PLAAT3: variants seen among roughly 807,000 people sequenced by gnomAD.
The protein encoded by PLAAT3 is phospholipase A and acyltransferase 3.
A neutral mutation model predicts 16.7 loss-of-function variants in PLAAT3; 21 were observed. That is an observed-to-expected ratio of 1.26 (90% confidence interval 0.89 to 1.81). The LOEUF (loss-of-function observed/expected upper bound fraction) is 1.81, where lower values mean the gene tolerates loss of function less well. Ranked by LOEUF, PLAAT3 falls within the 40% of genes most tolerant of loss-of-function variation. The pLI is 0.00. For synonymous variants in PLAAT3, 76 were observed against 81.7 expected (o/e 0.93, Z 0.38); for missense variants, 219 against 213.7 (o/e 1.02, Z -0.16).
Position 63,594,899 on chromosome 11 carries a change from G to A in PLAAT3, c.118+3162C>T, listed in dbSNP as rs146653587. Among the ~76,000 whole-genome samples, 993 of 149,476 alleles carry A rather than the reference G, an allele frequency of 6.6e-3. 8 individuals are homozygous for A. Among genetic ancestry groups the A allele is most frequent in the Non-Finnish European group, 0.011 (758 of 67,462 alleles). On this transcript the variant is annotated intron_variant, in intron 3 of 4. Coordinates refer to ENST00000415826, the MANE Select transcript of PLAAT3 (RefSeq NM_001128203.2). ...ATGAAAGGAAGAGGAGGGGGTGGGG[G>A]TACATGGGTAAGGGGCTCAGGGTGG... is the stretch of plus-strand genomic sequence containing the variant.
chr11:63,615,046 ATATATGTG>A (rs1938802840), upstream of PLAAT3, among the ~76,000 whole-genome samples: 1 of 13,302 alleles, frequency 7.5e-5, no homozygotes, highest in African/African-American at 8.4e-5. Flanking sequence ...ATATATGTAT[ATATATGTG>A]TATATATATG....
At chr11:63,609,640 C>T (rs1448179406) in intron 2 of PLAAT3, among the ~76,000 whole-genome samples, 2 of 152,180 alleles carry the variant, frequency 1.3e-5, no homozygotes, top group South Asian at 2.1e-4. Context: ...TTCCCAGCCT[C>T]GGGCAGAGAG....
intron 1 of PLAAT3, 90 bp from the exon 2 acceptor site, chr11:63,614,158 T>A: frequency 8.9e-7 from 1 of 1,124,714 alleles, no homozygotes; most frequent in Non-Finnish European, 1.3e-6. Flanking sequence ...GGGCAGGGCG[T>A]GAGAGGCGCG....
At chr11:63,598,733 T>C (rs901466329) in intron 2 of PLAAT3, 24 of 517,644 alleles carry the variant, frequency 4.6e-5, no homozygotes, top group African/African-American at 4.4e-4. Context: ...CTGCCAGATC[T>C]GGAGGGCATT....
At chr11:63,605,716 C>T (rs1938538886) in intron 2 of PLAAT3, among the ~76,000 whole-genome samples, 1 of 151,862 alleles carries the variant, frequency 6.6e-6, no homozygotes, top group South Asian at 2.1e-4. Context: ...CCATGCCGGG[C>T]TAATTTTTTG....
intron 4 of PLAAT3, among the ~76,000 whole-genome samples, chr11:63,586,790 G>C (rs1011875087): frequency 6.6e-6 from 1 of 151,724 alleles, no homozygotes; most frequent in African/African-American, 2.4e-5. Context: ...AATTTAAAAA[G>C]ATACATAAAT....
chr11:63,606,425 A>AACACAAAC (rs1555046384), intron 2 of PLAAT3, among the ~76,000 whole-genome samples: 3 of 140,128 alleles, frequency 2.1e-5, no homozygotes, highest in Non-Finnish European at 4.6e-5. Context: ...TCTACTATAA[A>AACACAAAC]ACACACACAC....
chr11:63,597,109 G>C (rs7123606), intron 3 of PLAAT3, among the ~76,000 whole-genome samples: 84 of 151,036 alleles, frequency 5.6e-4, no homozygotes, highest in Non-Finnish European at 1.1e-3. Context: ...AAAAAAAAAA[G>C]TGTGGCACTC....
At chr11:63,583,896 T>C (rs1937890677) in intron 4 of PLAAT3, among the ~76,000 whole-genome samples, 1 of 152,176 alleles carries the variant, frequency 6.6e-6, no homozygotes, top group African/African-American at 2.4e-5. Context: ...TTTAGGGAAA[T>C]CTAAATCATT....
At chr11:63,603,303 C>T (rs1938474870) in intron 2 of PLAAT3, among the ~76,000 whole-genome samples, 1 of 152,078 alleles carries the variant, frequency 6.6e-6, no homozygotes, top group African/African-American at 2.4e-5. Context: ...AGAACCCCAG[C>T]CCACACAGTG....
intron 3 of PLAAT3, among the ~76,000 whole-genome samples, chr11:63,594,305 A>G (rs1288035675): frequency 6.6e-6 from 1 of 152,168 alleles, no homozygotes; most frequent in Non-Finnish European, 1.5e-5. Flanking sequence ...GATATTGACA[A>G]ATAGAAGGTA....
At position 63,600,305 on chromosome 11, in the gene PLAAT3, G is replaced by T. The variant is rs571110873; in HGVS notation, c.16-2142C>A. On this transcript the variant is annotated intron_variant, in intron 2 of 4. Transcript: ENST00000415826. ...GCCCCATGCTGCATTTTTTAAAACA[G>T]AAGTTATTACGATGACAAAAAATAA... Among the ~76,000 whole-genome samples the T allele has an allele frequency of 3.3e-5, 5 of 152,268 alleles. No homozygotes were observed. In the East Asian group the frequency reaches 7.7e-4, roughly 24 times the overall value.
chr11:63,612,746 A>AT (rs891483160), intron 2 of PLAAT3, among the ~76,000 whole-genome samples: 9 of 151,906 alleles, frequency 5.9e-5, no homozygotes, highest in South Asian at 2.1e-4. Flanking sequence ...CTACTAATCC[A>AT]TTTTTTTTCC....
rs1938761638 is a variant in PLAAT3, at chr11:63,613,982, G to T, written c.15+18C>A. On this transcript the variant is annotated intron_variant, in intron 2 of 4. Transcript: ENST00000415826. Reference sequence around the variant, plus strand: ...GGGGCTCCCAGCCCCGCCCAGCCCCGCCTCGCCCCGCACTTACAATGGGCG... The same window carrying T: ...GGGGCTCCCAGCCCCGCCCAGCCCCTCCTCGCCCCGCACTTACAATGGGCG... 2.8e-6 allele frequency: 3 copies of T among 1,067,406 alleles called. No homozygotes were observed. Among genetic ancestry groups the T allele is most frequent in the Non-Finnish European group, 4.4e-6 (3 of 682,014 alleles). 66.1% of individuals were successfully genotyped at this position (1,067,406 alleles called of 1,614,324 possible).
At chr11:63,615,184 A>ATATGTG (rs1565259839), upstream of PLAAT3, among the ~76,000 whole-genome samples, 27 of 9,530 alleles carry the variant, frequency 2.8e-3, 1 homozygote, top group Non-Finnish European at 4.4e-3. Flanking sequence ...ATATGTGTGT[A>ATATGTG]TATATATGTG....
intron 4 of PLAAT3, among the ~76,000 whole-genome samples, chr11:63,577,295 C>A (rs572080627): frequency 6.6e-6 from 1 of 152,100 alleles, no homozygotes; most frequent in Non-Finnish European, 1.5e-5. Context: ...CCTCAGCCTC[C>A]CGAGTAGCTG....
At chr11:63,581,734 G>A (rs921577977) in intron 4 of PLAAT3, among the ~76,000 whole-genome samples, 1 of 152,140 alleles carries the variant, frequency 6.6e-6, no homozygotes, top group African/African-American at 2.4e-5. Context: ...GTGGCTGGGG[G>A]TTGTCATCAC....
At chr11:63,582,276 T>G (rs1281794520) in intron 4 of PLAAT3, among the ~76,000 whole-genome samples, 1 of 152,040 alleles carries the variant, frequency 6.6e-6, no homozygotes, top group Non-Finnish European at 1.5e-5. Flanking sequence ...AATCAGAGAA[T>G]GCAATCCAAG....
intron 1 of PLAAT3, 62 bp from the exon 2 acceptor site, chr11:63,614,130 G>A (rs1321052203): frequency 1.4e-6 from 2 of 1,422,710 alleles, no homozygotes; most frequent in Non-Finnish European, 2.0e-6. Context: ...CAGACCCCAC[G>A]GGACTGCGGC....
Sources: allele counts gnomAD v4.1 joint callset (sites outside exome capture counted in the v4.1 genomes callset), GRCh38; gene constraint gnomAD v4.1.1; transcripts MANE v1.5; gene names NCBI Gene and HGNC (gene_info 2026-07-23, HGNC 2026-07-21).